Variants in SDHB observed in about 807,000 individuals in gnomAD.
The protein encoded by SDHB is succinate dehydrogenase [ubiquinone] iron-sulfur subunit, mitochondrial.
A neutral mutation model predicts 39.7 loss-of-function variants in SDHB; 21 were observed. The ratio of observed to expected loss-of-function variants is 0.53; its 90% confidence interval spans 0.37 to 0.76. The LOEUF is 0.76. Among genes scored for constraint, SDHB ranks in the 30% least tolerant of loss-of-function variants. The probability of loss-of-function intolerance (pLI) is 0.00; values close to 1 mark genes in which losing one functional copy is unlikely to be tolerated. For synonymous variants in SDHB, 118 were observed against 117.0 expected (o/e 1.01, Z -0.06); for missense variants, 343 against 350.9 (o/e 0.98, Z 0.18).
intron 2 of SDHB, among the ~76,000 whole-genome samples, chr1:17,041,490 C>T (rs2078079495): frequency 6.6e-6 from 1 of 151,904 alleles, no homozygotes; most frequent in Admixed American, 6.6e-5. Flanking sequence ...GCCAACATGG[C>T]GAAACCCCAA....
At chr1:17,032,991 G>C in intron 3 of SDHB, 69 bp downstream of exon 3, 1 of 1,199,224 alleles carries the variant, frequency 8.3e-7, no homozygotes, top group Admixed American at 1.7e-5. Context: ...GTCTCTATCA[G>C]CTTTGGCCAG....
At chr1:17,030,600 C>T (rs1322260394) in intron 3 of SDHB, among the ~76,000 whole-genome samples, 5 of 152,078 alleles carry the variant, frequency 3.3e-5, no homozygotes, top group Non-Finnish European at 7.4e-5. Context: ...TACTCTAAAC[C>T]TCTAGTGCCA....
chr1:17,051,268 C>T (rs2078145958), intron 1 of SDHB, among the ~76,000 whole-genome samples: 1 of 152,142 alleles, frequency 6.6e-6, no homozygotes, highest in Non-Finnish European at 1.5e-5. Flanking sequence ...AATGAGTATT[C>T]AAGGCAGAAA....
intron 7 of SDHB, among the ~76,000 whole-genome samples, chr1:17,021,437 GT>G: frequency 6.6e-6 from 1 of 150,926 alleles, no homozygotes; most frequent in Non-Finnish European, 1.5e-5. Context: ...GTGAGACCCT[GT>G]CTTTTAAAAA....
chr1:17,040,950 G>GA (rs2078076885), intron 2 of SDHB, among the ~76,000 whole-genome samples: 1 of 152,120 alleles, frequency 6.6e-6, no homozygotes, highest in African/African-American at 2.4e-5. Flanking sequence ...CCAACATGGC[G>GA]AAACCTTGTC....
intron 1 of SDHB, 32 bp downstream of exon 1, chr1:17,053,916 G>C: frequency 6.4e-7 from 1 of 1,572,450 alleles, no homozygotes; most frequent in Non-Finnish European, 8.7e-7. Context: ...TGGCTTTCCT[G>C]ACTTTTCCCT....
intron 7 of SDHB, among the ~76,000 whole-genome samples, chr1:17,019,249 T>C (rs1202424953): frequency 6.6e-6 from 1 of 152,208 alleles, no homozygotes; most frequent in African/African-American, 2.4e-5. Flanking sequence ...ACTCTCTGAC[T>C]GCTCAAAGAC....
intron 7 of SDHB, among the ~76,000 whole-genome samples, chr1:17,019,427 C>T (rs988617200): frequency 2.0e-5 from 3 of 152,176 alleles, no homozygotes; most frequent in Non-Finnish European, 4.4e-5. Context: ...CTTTGTAAAA[C>T]CATGATGATT....
chr1:17,043,076 C>T (rs559531039), intron 2 of SDHB, among the ~76,000 whole-genome samples: 1 of 147,620 alleles, frequency 6.8e-6, no homozygotes, highest in Admixed American at 6.9e-5. Flanking sequence ...ATTCTCATGC[C>T]TCAGCCTCCC....
At chr1:17,034,118 G>A (rs190983071) in intron 2 of SDHB, among the ~76,000 whole-genome samples, 1 of 151,616 alleles carries the variant, frequency 6.6e-6, no homozygotes. Flanking sequence ...TTAAAAATAC[G>A]TCATTTCCTT....
At chr1:17,053,644 C>CA (rs2078160671) in intron 1 of SDHB, among the ~76,000 whole-genome samples, 1 of 152,114 alleles carries the variant, frequency 6.6e-6, no homozygotes, top group East Asian at 1.9e-4. Flanking sequence ...ATTCTGGTTC[C>CA]AGCAGTCATT....
At chr1:17,023,402 G>A in intron 6 of SDHB, among the ~76,000 whole-genome samples, 1 of 152,216 alleles carries the variant, frequency 6.6e-6, no homozygotes, top group East Asian at 1.9e-4. Context: ...TTCTCTTTTT[G>A]TGGGAAAATG....
chr1:17,022,663 G>C lies in SDHB; in HGVS notation c.710C>G (p.Pro237Arg), dbSNP rs878854579. 1.9e-6 allele frequency: 3 copies of C among 1,613,930 alleles called. No individual in the cohort carries two copies. The highest frequency in any genetic ancestry group is 2.5e-6 in the Non-Finnish European group (3 of 1,179,956). Residue 237 changes from proline to arginine, a missense_variant, in exon 7 of 8, where the codon CCA (proline) becomes CGA (arginine). Transcript: ENST00000375499. Reference protein sequence around the residue: ...TEERLAKLQDPFSLYRCHTIM... With the variant: ...TEERLAKLQDRFSLYRCHTIM... ...GGTGTGGCAGCGGTATAGAGAGAATGGGTCCTGCAGCTTGGCCAGGCGCTC... is the reference window on the plus strand; with the variant it reads ...GGTGTGGCAGCGGTATAGAGAGAATCGGTCCTGCAGCTTGGCCAGGCGCTC...
intron 1 of SDHB, among the ~76,000 whole-genome samples, chr1:17,051,410 G>A (rs1175841834): frequency 6.6e-6 from 1 of 152,224 alleles, no homozygotes; most frequent in Non-Finnish European, 1.5e-5. Context: ...CCAGTAAAGT[G>A]TCCTTAGGGT....
At chr1:17,044,247 C>G (rs2078096236) in intron 2 of SDHB, among the ~76,000 whole-genome samples, 1 of 151,890 alleles carries the variant, frequency 6.6e-6, no homozygotes, top group African/African-American at 2.4e-5. Flanking sequence ...GTTAATTATA[C>G]CAGTATTTCT....
chr1:17,025,459 G>T (rs2077986517), intron 5 of SDHB, among the ~76,000 whole-genome samples: 1 of 149,748 alleles, frequency 6.7e-6, no homozygotes, highest in African/African-American at 2.5e-5. Flanking sequence ...CCCCTGGCTG[G>T]AGTGCAGTGG....
At chr1:17,020,567 C>G (rs1467228293) in intron 7 of SDHB, among the ~76,000 whole-genome samples, 1 of 152,212 alleles carries the variant, frequency 6.6e-6, no homozygotes, top group African/African-American at 2.4e-5. Context: ...AGGAATGCAC[C>G]TTAGAGTCAC....
intron 1 of SDHB, among the ~76,000 whole-genome samples, chr1:17,049,372 G>A (rs111419870): frequency 0.014 from 2,164 of 151,208 alleles, 19 homozygotes; most frequent in Non-Finnish European, 0.024. Flanking sequence ...ATCTTGGATC[G>A]CTGCAACCTC....
intron 7 of SDHB, among the ~76,000 whole-genome samples, chr1:17,019,366 C>T (rs1344961832): frequency 1.3e-5 from 2 of 152,182 alleles, no homozygotes; most frequent in Non-Finnish European, 2.9e-5. Flanking sequence ...CAGAAATCAG[C>T]ATATACCAGC....
Sources: gnomAD v4.1 joint callset for allele counts (sites outside exome capture counted in the v4.1 genomes callset) on GRCh38, gnomAD v4.1.1 for gene constraint, MANE v1.5 for transcripts, NCBI Gene and HGNC (gene_info 2026-07-23, HGNC 2026-07-21) for gene names.